Variants in COPS5 observed in about 807,000 individuals in gnomAD.
COPS5 encodes the protein COP9 signalosome subunit 5.
In COPS5, 8 loss-of-function variants were observed where a neutral mutation model predicts 44.4. That is an observed-to-expected ratio of 0.18 (90% CI 0.11 to 0.32). The LOEUF is 0.32. Among genes scored for constraint, COPS5 ranks in the 10% least tolerant of loss-of-function variants. The pLI, the probability that COPS5 is intolerant of heterozygous loss-of-function variation, is 1.00. For missense variants in COPS5, 159 were observed against 406.4 expected (o/e 0.39, Z 5.23); for synonymous variants, 122 against 142.8 (o/e 0.85, Z 1.04).
rs373870041 is a variant in COPS5 at position 67,054,254 on chromosome 8, T to C, written c.659+2265A>G. Among the ~76,000 whole-genome samples, 3 of 152,310 alleles carry C rather than the reference T, an allele frequency of 2.0e-5. No homozygotes were observed. The East Asian group carries it at 5.8e-4, about 29-fold the overall frequency. ...AGACAAACAGGGAAAGTAGATCTGT[T>C]TGAATACGGAAAACATAAACTGTCT... On this transcript the variant is annotated intron_variant, in intron 5 of 7. Transcript: ENST00000357849.
rs547366417 is a variant in COPS5 at position 67,048,542 on chromosome 8, C to T, written c.772-2582G>A. On this transcript the variant is annotated intron_variant, in intron 6 of 7. Coordinates refer to ENST00000357849, the MANE Select transcript of COPS5 (RefSeq NM_006837.3). Reference sequence around the variant, plus strand: ...CCAGCCTGGCCAAGATGGTGAAACCCCATCTCTACTAAAAATACAAAAAAT... The same window carrying T: ...CCAGCCTGGCCAAGATGGTGAAACCTCATCTCTACTAAAAATACAAAAAAT... Among the ~76,000 whole-genome samples the T allele has an allele frequency of 1.9e-4, 29 of 150,804 alleles. No individual in the cohort carries two copies. In the South Asian group the frequency reaches 5.6e-3, roughly 29 times the overall value.
intron 6 of COPS5, among the ~76,000 whole-genome samples, chr8:67,048,086 G>A (rs2129537759): frequency 6.6e-6 from 1 of 151,978 alleles, no homozygotes; most frequent in Non-Finnish European, 1.5e-5. Flanking sequence ...GACCAGCCTG[G>A]ACAACATGGC....
chr8:67,059,587 A>C, intron 1 of COPS5, 142 bp from the exon 2 acceptor site: 1 of 634,556 alleles, frequency 1.6e-6, no homozygotes, highest in Non-Finnish European at 2.7e-6. Context: ...AAAAGTAAAA[A>C]AGGACAGTTT....
intron 6 of COPS5, 53 bp from the exon 7 acceptor site, chr8:67,046,013 A>G: frequency 6.6e-7 from 1 of 1,516,974 alleles, no homozygotes; most frequent in Non-Finnish European, 9.0e-7. Context: ...ACCATTTAAA[A>G]ATCTGTATAT....
intron 6 of COPS5, among the ~76,000 whole-genome samples, chr8:67,048,715 C>CA (rs377157256): frequency 0.11 from 6,778 of 63,214 alleles, 236 homozygotes; most frequent in Non-Finnish European, 0.13. Flanking sequence ...GACTCCATCT[C>CA]AAAAAAAAAA....
Position 67,056,434 on chromosome 8 carries a change from A to G in COPS5, c.659+85T>C, listed in dbSNP as rs899656422. On this transcript the variant is annotated intron_variant, in intron 5 of 7. Coordinates refer to ENST00000357849, the MANE Select transcript of COPS5 (RefSeq NM_006837.3). ...AGTGTCGAATTCCTGTCCTCAAGCAATCCTCTCACTGTGGCTTCCCAAAGT... is the reference window on the plus strand; with the variant it reads ...AGTGTCGAATTCCTGTCCTCAAGCAGTCCTCTCACTGTGGCTTCCCAAAGT... The G allele has an allele frequency of 1.8e-5, 8 of 447,874 alleles. No homozygotes were observed. In the Admixed American group the frequency reaches 2.4e-4, roughly 14 times the overall value. The allele number at this position is 447,874 out of a possible 1,614,324, so 27.7% of individuals were successfully genotyped here.
chr8:67,060,704 GTCAA>G (rs1246884172), intron 1 of COPS5: 2 of 309,948 alleles, frequency 6.5e-6, no homozygotes, highest in African/African-American at 4.4e-5. Context: ...ATTTCCTAAG[GTCAA>G]TCAACTAGTT....
At chr8:67,061,430 A>G in intron 1 of COPS5, 1 of 446,870 alleles carries the variant, frequency 2.2e-6, no homozygotes, top group Non-Finnish European at 4.5e-6. Context: ...TTTCTATTAA[A>G]AAAAAAAGAA....
chr8:67,051,404 C>T, intron 5 of COPS5, 63 bp from the exon 6 acceptor site: 2 of 854,776 alleles, frequency 2.3e-6, no homozygotes, highest in Non-Finnish European at 3.7e-6. Context: ...TCACATAAAA[C>T]TTATGGCCAG....
chr8:67,049,588 C>T (rs1034699915), intron 6 of COPS5, among the ~76,000 whole-genome samples: 1 of 152,190 alleles, frequency 6.6e-6, no homozygotes, highest in South Asian at 2.1e-4. Context: ...TTATCTCTAA[C>T]TTTCACATTA....
At chr8:67,061,525 G>C (rs1192807597) in intron 1 of COPS5, 5 of 436,814 alleles carry the variant, frequency 1.1e-5, no homozygotes, top group Non-Finnish European at 2.2e-5. Context: ...TTTGGGATTA[G>C]TTGAAGACCC....
At chr8:67,056,462 TG>T in intron 5 of COPS5, 56 bp downstream of exon 5, 1 of 611,884 alleles carries the variant, frequency 1.6e-6, no homozygotes. Context: ...CCCAAAGTGC[TG>T]GGATTATAGG....
At chr8:67,059,525 A>T in intron 1 of COPS5, 80 bp from the exon 2 acceptor site, 1 of 1,006,228 alleles carries the variant, frequency 9.9e-7, no homozygotes, top group Non-Finnish European at 1.5e-6. Context: ...GATAAAGAGT[A>T]AGTATTGAAG....
intron 3 of COPS5, 63 bp downstream of exon 3, chr8:67,058,020 C>T: frequency 6.5e-7 from 1 of 1,540,010 alleles, no homozygotes. Flanking sequence ...TCTTATTTCT[C>T]AGTATACTTG....
At chr8:67,056,725 C>G in intron 4 of COPS5, 121 bp from the exon 5 acceptor site, 1 of 106,742 alleles carries the variant, frequency 9.4e-6, no homozygotes, top group Non-Finnish European at 1.7e-5. Context: ...ATGAGAAAAA[C>G]ATGTTTTCTA....
chr8:67,056,621 TA>T lies in COPS5; in HGVS notation c.574-18del. On this transcript the variant is annotated intron_variant, in intron 4 of 7. Coordinates refer to ENST00000357849, the MANE Select transcript of COPS5 (RefSeq NM_006837.3). Reference sequence around the variant, plus strand: ...TTTGTAGCCCTAAACAAAAATGAGGTAAACAGAAGATTAAGAAAAAAAAAAA... The same window carrying T: ...TTTGTAGCCCTAAACAAAAATGAGGTAACAGAAGATTAAGAAAAAAAAAAA... 1 of 515,660 alleles carries T rather than the reference TA, an allele frequency of 1.9e-6. No individual in the cohort carries two copies. The allele number at this position is 515,660 out of a possible 1,614,324, so 31.9% of individuals were successfully genotyped here.
intron 5 of COPS5, 56 bp downstream of exon 5, chr8:67,056,463 G>A (rs998056775): frequency 3.3e-6 from 2 of 613,478 alleles, no homozygotes; most frequent in Non-Finnish European, 5.8e-6. Flanking sequence ...CCAAAGTGCT[G>A]GGATTATAGG....
At chr8:67,050,001 C>CTTTTTTTTTT (rs548690353) in intron 6 of COPS5, among the ~76,000 whole-genome samples, 1 of 138,736 alleles carries the variant, frequency 7.2e-6, no homozygotes, top group Non-Finnish European at 1.6e-5. Flanking sequence ...GTGATACTCT[C>CTTTTTTTTTT]TTTTTTTTTT....
intron 6 of COPS5, among the ~76,000 whole-genome samples, chr8:67,049,853 A>G (rs1357859755): frequency 6.6e-6 from 1 of 152,232 alleles, no homozygotes; most frequent in East Asian, 1.9e-4. Context: ...TAACCACTAT[A>G]TATACTGCAG....
Sources: allele counts gnomAD v4.1 joint callset (sites outside exome capture counted in the v4.1 genomes callset), GRCh38; gene constraint gnomAD v4.1.1; transcripts MANE v1.5; gene names NCBI Gene and HGNC (gene_info 2026-07-23, HGNC 2026-07-21).